The following KANK1 variants were observed in gnomAD, a reference collection of about 807,000 sequenced individuals.
The protein encoded by KANK1 is KN motif and ankyrin repeat domains 1, also known as KN motif and ankyrin repeat domain-containing protein 1.
Under a neutral mutation model 106.2 loss-of-function variants are expected in KANK1, and 109 were observed. The ratio of observed to expected loss-of-function variants is 1.03; its 90% CI spans 0.88 to 1.20. The LOEUF is 1.20. Ranked by LOEUF, KANK1 falls within the 50% of genes most tolerant of loss-of-function variation. KANK1 has a pLI of 0.00. For missense variants in KANK1, 2,399 were observed against 1,710.7 expected, an observed-to-expected ratio of 1.40 and a Z score of -7.10; for synonymous variants, 873 against 652.2, an observed-to-expected ratio of 1.34 and a Z score of -5.16.
chr9:535,504 T>C (rs1182273798), intron 1 of KANK1, among the ~76,000 whole-genome samples: 1 of 152,166 alleles, frequency 6.6e-6, no homozygotes, highest in Non-Finnish European at 1.5e-5. Context: ...GGTACTATGA[T>C]CATCTCCAAG....
chr9:655,092 G>A (rs1019279254), intron 1 of KANK1, among the ~76,000 whole-genome samples: 9 of 152,048 alleles, frequency 5.9e-5, no homozygotes, highest in South Asian at 2.1e-4. Context: ...TCATCCAGCC[G>A]GGCGTGGTAG....
At chr9:612,071 A>G (rs1208784626) in intron 1 of KANK1, among the ~76,000 whole-genome samples, 1 of 152,208 alleles carries the variant, frequency 6.6e-6, no homozygotes, top group Non-Finnish European at 1.5e-5. Flanking sequence ...ACATTTAAAA[A>G]TAGGATTGGC....
intron 1 of KANK1, among the ~76,000 whole-genome samples, chr9:605,143 A>G (rs1329456341): frequency 6.6e-6 from 1 of 151,350 alleles, no homozygotes; most frequent in Non-Finnish European, 1.5e-5. Flanking sequence ...TCTACTAAAA[A>G]TAGAAAAATT....
At chr9:743,069 C>G (rs565512388) in intron 10 of KANK1, among the ~76,000 whole-genome samples, 165 of 152,192 alleles carry the variant, frequency 1.1e-3, no homozygotes, top group African/African-American at 3.8e-3. Flanking sequence ...GGCCAAAGGA[C>G]AGGAGTGGTG....
chr9:675,377 T>C (rs4742219), intron 1 of KANK1, among the ~76,000 whole-genome samples: 63,048 of 151,974 alleles, frequency 0.41, 14,222 homozygotes, highest in East Asian at 0.63. Flanking sequence ...CTTCTTCTGA[T>C]TTCATGGGTC....
At chr9:517,309 G>T (rs1017554172) in intron 1 of KANK1, among the ~76,000 whole-genome samples, 49 of 151,700 alleles carry the variant, frequency 3.2e-4, no homozygotes, top group African/African-American at 1.2e-3. Context: ...TCACCATGTT[G>T]GCCAGGATGG....
At chr9:501,557 C>A (rs2058551719), upstream of KANK1, among the ~76,000 whole-genome samples, 1 of 151,672 alleles carries the variant, frequency 6.6e-6, no homozygotes, top group East Asian at 1.9e-4. Flanking sequence ...TCCAAGAAGC[C>A]CAGCTAAAAT....
intron 1 of KANK1, among the ~76,000 whole-genome samples, chr9:508,546 G>GGTAAGTAGTGTGA (rs1587347956): frequency 6.6e-6 from 1 of 151,834 alleles, no homozygotes; most frequent in African/African-American, 2.4e-5. Flanking sequence ...TTGCAGAAGT[G>GGTAAGTAGTGTGA]CCCCTATACT....
intron 1 of KANK1, among the ~76,000 whole-genome samples, chr9:548,394 A>G (rs1024211933): frequency 2.0e-5 from 3 of 152,128 alleles, no homozygotes; most frequent in Non-Finnish European, 4.4e-5. Context: ...TGAGCTTTTT[A>G]TTGTTGTACG....
chr9:635,072 T>A (rs1435811261), intron 1 of KANK1, among the ~76,000 whole-genome samples: 1 of 152,094 alleles, frequency 6.6e-6, no homozygotes, highest in African/African-American at 2.4e-5. Flanking sequence ...TACAAACCAA[T>A]CACAGGTAAA....
intron 1 of KANK1, among the ~76,000 whole-genome samples, chr9:590,640 A>ATTT (rs71314715): frequency 2.0e-5 from 3 of 146,836 alleles, no homozygotes; most frequent in Non-Finnish European, 4.5e-5. Context: ...TCTTCCGGAG[A>ATTT]TTTTTTTTTT....
intron 1 of KANK1, among the ~76,000 whole-genome samples, chr9:568,768 C>T (rs1164947375): frequency 6.6e-6 from 1 of 152,152 alleles, no homozygotes; most frequent in Non-Finnish European, 1.5e-5. Flanking sequence ...AGGTGTGAGC[C>T]ACCATGCCTG....
chr9:646,600 A>G (rs1327901443), intron 1 of KANK1, among the ~76,000 whole-genome samples: 2 of 150,802 alleles, frequency 1.3e-5, no homozygotes, highest in Admixed American at 6.6e-5. Context: ...ATTATTTTCA[A>G]TCATATTATT....
chr9:627,399 G>A (rs768104049), intron 1 of KANK1, among the ~76,000 whole-genome samples: 3 of 147,410 alleles, frequency 2.0e-5, no homozygotes, highest in Non-Finnish European at 4.4e-5. Flanking sequence ...TAGCCACAGA[G>A]CTTCTGCCCC....
chr9:580,810 G>C (rs145423353), intron 1 of KANK1, among the ~76,000 whole-genome samples: 7 of 152,230 alleles, frequency 4.6e-5, no homozygotes, highest in African/African-American at 1.7e-4. Flanking sequence ...ATTGGGCGCC[G>C]CGGAGCAGGG....
intron 1 of KANK1, among the ~76,000 whole-genome samples, chr9:640,485 C>T (rs1745105984): frequency 6.6e-6 from 1 of 151,746 alleles, no homozygotes; most frequent in Non-Finnish European, 1.5e-5. Context: ...GCAACCTCCG[C>T]CTCCCAGGTT....
intron 1 of KANK1, among the ~76,000 whole-genome samples, chr9:541,816 G>A (rs1051024937): frequency 9.2e-5 from 14 of 152,176 alleles, no homozygotes; most frequent in Non-Finnish European, 1.8e-4. Flanking sequence ...CAGGCCGGGC[G>A]CGGTGGCTCA....
At chr9:642,213 G>T (rs1838626981) in intron 1 of KANK1, among the ~76,000 whole-genome samples, 1 of 151,352 alleles carries the variant, frequency 6.6e-6, no homozygotes, top group Admixed American at 6.6e-5. Flanking sequence ...TTCCTGACTT[G>T]TTACCTCTGT....
At chr9:661,749 A>T (rs1170261286) in intron 1 of KANK1, among the ~76,000 whole-genome samples, 1 of 152,114 alleles carries the variant, frequency 6.6e-6, no homozygotes, top group Non-Finnish European at 1.5e-5. Flanking sequence ...CAACTGTGTA[A>T]AAGTGTTCCT....
Sources: gnomAD v4.1 joint callset for allele counts (sites outside exome capture counted in the v4.1 genomes callset) on GRCh38, gnomAD v4.1.1 for gene constraint, MANE v1.5 for transcripts, NCBI Gene and HGNC (gene_info 2026-07-23, HGNC 2026-07-21) for gene names.